The following NEDD4L variants were observed in gnomAD, a reference collection of about 807,000 sequenced individuals.
NEDD4L encodes NEDD4 like E3 ubiquitin protein ligase, also known as E3 ubiquitin-protein ligase NEDD4-like.
Under a neutral mutation model 148.9 loss-of-function variants are expected in NEDD4L, and 54 were observed. The ratio of observed to expected loss-of-function variants is 0.36; its 90% CI spans 0.29 to 0.45. The LOEUF (loss-of-function observed/expected upper bound fraction) is 0.45. NEDD4L is among the 20% of genes least tolerant of loss of function. The pLI is 1.00. For synonymous variants in NEDD4L, 433 were observed against 440.7 expected, an observed-to-expected ratio of 0.98 and a Z score of 0.22; for missense variants, 856 against 1,233.8, an observed-to-expected ratio of 0.69 and a Z score of 4.59.
At chr18:58,092,962 G>A (rs1006921868) in intron 1 of NEDD4L, among the ~76,000 whole-genome samples, 2 of 150,848 alleles carry the variant, frequency 1.3e-5, no homozygotes, top group South Asian at 2.1e-4. Flanking sequence ...CCAAGTTCAC[G>A]CCATTCTCCT....
chr18:58,140,189 C>T lies in NEDD4L; in HGVS notation c.49-25599C>T, dbSNP rs1011726897. On this transcript the variant is annotated intron_variant, in intron 1 of 30. Transcript: ENST00000400345. ...TCTAGCTAAGGACAGAGCGTGCAGT[C>T]TTGCAGCTGCTGGGCTGATGACATG... 3.3e-5 allele frequency among the ~76,000 whole-genome samples: 5 copies of T among 152,284 alleles called. No homozygotes were observed. In the East Asian group the frequency reaches 9.7e-4, roughly 29 times the overall value.
At chr18:58,367,922 T>G in intron 22 of NEDD4L, 55 bp downstream of exon 22, 2 of 1,591,636 alleles carry the variant, frequency 1.3e-6, no homozygotes, top group Middle Eastern at 1.7e-4. Flanking sequence ...TGCTAGTAGG[T>G]GTCTTATCTT....
rs562646570 is a variant in NEDD4L, at chr18:58,119,550, G to A, written c.49-46238G>A. ...CTGACCTGCTGTCCCGGATGGCCCT[G>A]GTGTGTTCTCTCTGTTCCTAGCCGC... On this transcript the variant is annotated intron_variant, in intron 1 of 30. Coordinates refer to ENST00000400345, the MANE Select transcript of NEDD4L (RefSeq NM_001144967.3). Among the ~76,000 whole-genome samples, 247 of 152,298 alleles carry A rather than the reference G, an allele frequency of 1.6e-3. 1 individual carries two copies. Among genetic ancestry groups the A allele is most frequent in the African/African-American group, 5.8e-3 (243 of 41,576 alleles).
intron 2 of NEDD4L, among the ~76,000 whole-genome samples, chr18:58,203,804 C>T (rs2041691799): frequency 6.6e-6 from 1 of 151,916 alleles, no homozygotes; most frequent in Non-Finnish European, 1.5e-5. Flanking sequence ...ACTAGTGAAT[C>T]AGACCCTAAA....
chr18:58,348,244 C>T (rs560800955), intron 16 of NEDD4L, among the ~76,000 whole-genome samples: 266 of 152,028 alleles, frequency 1.7e-3, no homozygotes, highest in African/African-American at 6.1e-3. Flanking sequence ...GCAGTCCTCC[C>T]GCCTTGGCCT....
intron 1 of NEDD4L, among the ~76,000 whole-genome samples, chr18:58,122,897 T>C (rs372810987): frequency 1.1e-4 from 17 of 152,070 alleles, no homozygotes; most frequent in East Asian, 5.8e-4. Flanking sequence ...CACGCCTGGC[T>C]CATTTTTGTA....
intron 5 of NEDD4L, among the ~76,000 whole-genome samples, chr18:58,307,188 C>T (rs188315897): frequency 9.9e-5 from 15 of 152,216 alleles, no homozygotes; most frequent in Admixed American, 2.6e-4. Context: ...GGGAGGAGTG[C>T]GCACTGGGGT....
intron 2 of NEDD4L, among the ~76,000 whole-genome samples, chr18:58,167,088 T>C (rs957062634): frequency 9.2e-5 from 14 of 152,204 alleles, no homozygotes; most frequent in Admixed American, 6.5e-5. Context: ...TTTAAAAAAC[T>C]GTTGTACTTA....
At chr18:58,202,836 C>T (rs945918104) in intron 2 of NEDD4L, among the ~76,000 whole-genome samples, 2 of 152,088 alleles carry the variant, frequency 1.3e-5, no homozygotes, top group African/African-American at 4.8e-5. Context: ...TGTTAAGGGC[C>T]TATTGTGCTT....
At chr18:58,084,347 T>A (rs916463991) in intron 1 of NEDD4L, among the ~76,000 whole-genome samples, 31 of 152,212 alleles carry the variant, frequency 2.0e-4, no homozygotes, top group African/African-American at 7.5e-4. Context: ...TGTACGACTC[T>A]GTGGATATAC....
At chr18:58,129,509 A>G (rs1435025745) in intron 1 of NEDD4L, among the ~76,000 whole-genome samples, 1 of 152,176 alleles carries the variant, frequency 6.6e-6, no homozygotes, top group African/African-American at 2.4e-5. Context: ...TTGGTTTTCT[A>G]CTTGCTTTCT....
chr18:58,130,189 G>A (rs74211782), intron 1 of NEDD4L, among the ~76,000 whole-genome samples: 23 of 143,554 alleles, frequency 1.6e-4, no homozygotes, highest in Admixed American at 8.3e-4. Context: ...GAACTGTGGC[G>A]GTGTTGGGCT....
At chr18:58,183,465 T>A (rs1303981329) in intron 2 of NEDD4L, among the ~76,000 whole-genome samples, 4 of 152,226 alleles carry the variant, frequency 2.6e-5, no homozygotes. Flanking sequence ...AAGTGTTTCT[T>A]GAGCTGCACA....
At chr18:58,080,391 A>G (rs1041112533) in intron 1 of NEDD4L, among the ~76,000 whole-genome samples, 1 of 152,224 alleles carries the variant, frequency 6.6e-6, no homozygotes, top group Non-Finnish European at 1.5e-5. Context: ...CACATGTTTG[A>G]TAACCTGAAG....
At chr18:58,204,022 AT>A (rs2041720327) in intron 2 of NEDD4L, among the ~76,000 whole-genome samples, 1 of 152,192 alleles carries the variant, frequency 6.6e-6, no homozygotes, top group African/African-American at 2.4e-5. Context: ...AAATTCAACC[AT>A]TTTGACTCCA....
intron 2 of NEDD4L, among the ~76,000 whole-genome samples, chr18:58,243,008 T>TG (rs1337788521): frequency 5.3e-5 from 8 of 152,222 alleles, no homozygotes; most frequent in African/African-American, 1.7e-4. Flanking sequence ...TGCTGGAAGA[T>TG]ATGGTGTCCC....
chr18:58,139,747 G>T (rs1412676770), intron 1 of NEDD4L, among the ~76,000 whole-genome samples: 1 of 152,142 alleles, frequency 6.6e-6, no homozygotes, highest in Non-Finnish European at 1.5e-5. Flanking sequence ...CTTCGAATCA[G>T]CTGTGTTCAT....
At chr18:58,188,411 G>A (rs1172971246) in intron 2 of NEDD4L, among the ~76,000 whole-genome samples, 1 of 152,232 alleles carries the variant, frequency 6.6e-6, no homozygotes, top group East Asian at 1.9e-4. Flanking sequence ...GGAGTGAGAT[G>A]TGGGTGGCCA....
rs57282316 is a variant in NEDD4L at position 58,245,674 on chromosome 18, CTTT to C, written c.204+188_204+190del. 5.0e-3 allele frequency among the ~76,000 whole-genome samples: 449 copies of C among 89,216 alleles called. 2 individuals carry two copies. Among genetic ancestry groups the C allele is most frequent in the African/African-American group, 0.018 (402 of 22,920 alleles). 58.5% of individuals were successfully genotyped at this position (89,216 alleles called of 152,430 possible). A position where few individuals can be genotyped will look rare whatever the true frequency, so the allele number is the denominator to read the frequency against. On this transcript the variant is annotated intron_variant, in intron 3 of 30. Coordinates refer to ENST00000400345, the MANE Select transcript of NEDD4L (RefSeq NM_001144967.3). The stretch of plus-strand genomic sequence containing the variant: ...CATATACAAGTGCATCACTTTTTCT[CTTT>C]TTTTTTTTTTTTTTTTTTTTTGAGA...
Sources: allele counts gnomAD v4.1 joint callset (sites outside exome capture counted in the v4.1 genomes callset), GRCh38; gene constraint gnomAD v4.1.1; transcripts MANE v1.5; gene names NCBI Gene and HGNC (gene_info 2026-07-23, HGNC 2026-07-21).